SSBP2: variants seen among roughly 807,000 people sequenced by gnomAD.
SSBP2 encodes the protein single stranded DNA binding protein 2, also known as single-stranded DNA-binding protein 2.
Under a neutral mutation model 61.8 loss-of-function variants are expected in SSBP2, and 17 were observed. The ratio of observed to expected loss-of-function variants is 0.28; its 90% CI spans 0.19 to 0.41. SSBP2 has a LOEUF of 0.41. Among genes scored for constraint, SSBP2 ranks in the 10% least tolerant of loss-of-function variants. The pLI is 1.00. For missense variants in SSBP2, 310 were observed against 458.7 expected (o/e 0.68, Z 2.96); for synonymous variants, 139 against 141.3 (o/e 0.98, Z 0.12).
rs1761206799 is a variant in SSBP2 at position 81,413,422 on chromosome 5, A to G, written c.*7082T>C. 6.6e-6 allele frequency: 1 copy of G among 152,256 alleles called. No individual in the cohort carries two copies. Among genetic ancestry groups the G allele is most frequent in the Admixed American group, 6.5e-5 (1 of 15,286 alleles). The allele number at this position is 152,256 out of a possible 1,614,324, so 9.4% of individuals were successfully genotyped here. A position where few individuals can be genotyped will look rare whatever the true frequency, so the allele number is the denominator to read the frequency against. On this transcript the variant is annotated 3_prime_UTR_variant, in exon 17 of 17. Transcript: ENST00000320672. Reference sequence around the variant, plus strand: ...CATCCCAGATTCCAATTATATTTATACATAAATTGTGCATTTATAAAAACC... The same window carrying G: ...CATCCCAGATTCCAATTATATTTATGCATAAATTGTGCATTTATAAAAACC...
chr5:81,676,692 C>G (rs144630158), intron 1 of SSBP2, among the ~76,000 whole-genome samples: 1 of 152,150 alleles, frequency 6.6e-6, no homozygotes, highest in African/African-American at 2.4e-5. Context: ...TCTCTTACCC[C>G]CTCCTTCCCC....
At chr5:81,653,243 C>T (rs1015423373) in intron 1 of SSBP2, among the ~76,000 whole-genome samples, 30 of 152,218 alleles carry the variant, frequency 2.0e-4, no homozygotes, top group African/African-American at 7.2e-4. Context: ...TGATGGCTTC[C>T]AGCTTCAACC....
At position 81,418,330 on chromosome 5, in the gene SSBP2, T is replaced by C. The variant is rs1761407658; in HGVS notation, c.*2174A>G. 1 of 152,266 alleles carries C rather than the reference T, an allele frequency of 6.6e-6. No individual in the cohort carries two copies. The highest frequency in any genetic ancestry group is 6.5e-5 in the Admixed American group (1 of 15,284). The allele number at this position is 152,266 out of a possible 1,614,324, so 9.4% of individuals were successfully genotyped here. On this transcript the variant is annotated 3_prime_UTR_variant, in exon 17 of 17. Transcript: ENST00000320672. ...CGGTGTGCACTCCTAGGCACCTGAA[T>C]ACTGTGTGTGATTAACTGAGGCTCA...
chr5:81,711,635 T>C (rs1276203229), intron 1 of SSBP2, among the ~76,000 whole-genome samples: 2 of 151,264 alleles, frequency 1.3e-5, no homozygotes, highest in Non-Finnish European at 3.0e-5. Flanking sequence ...CTATTTATGA[T>C]AAATAAAGCC....
chr5:81,550,072 A>C (rs1205261154), intron 4 of SSBP2, among the ~76,000 whole-genome samples: 1 of 152,212 alleles, frequency 6.6e-6, no homozygotes, highest in South Asian at 2.1e-4. Context: ...AAGAAATAGA[A>C]GACTATATCT....
At chr5:81,713,322 CAG>C (rs1554117578) in intron 1 of SSBP2, among the ~76,000 whole-genome samples, 14 of 151,726 alleles carry the variant, frequency 9.2e-5, no homozygotes, top group Non-Finnish European at 1.9e-4. Flanking sequence ...ACACTCCAAA[CAG>C]GGGAACACCC....
intron 5 of SSBP2, among the ~76,000 whole-genome samples, chr5:81,498,539 CAT>C (rs979132928): frequency 2.6e-5 from 4 of 151,938 alleles, no homozygotes; most frequent in African/African-American, 4.8e-5. Flanking sequence ...ATTATTTATT[CAT>C]AGTTCTGCAA....
intron 5 of SSBP2, among the ~76,000 whole-genome samples, chr5:81,501,341 T>A (rs1328158412): frequency 2.1e-5 from 3 of 141,694 alleles, no homozygotes; most frequent in African/African-American, 7.7e-5. Context: ...TAAATACATA[T>A]ACACAATGGC....
At chr5:81,571,838 A>C (rs779246413) in intron 4 of SSBP2, among the ~76,000 whole-genome samples, 2 of 152,110 alleles carry the variant, frequency 1.3e-5, no homozygotes, top group Non-Finnish European at 2.9e-5. Context: ...AAGGAATTTC[A>C]ATTTCAGTGA....
At chr5:81,711,689 A>G (rs1185461230) in intron 1 of SSBP2, among the ~76,000 whole-genome samples, 3 of 123,900 alleles carry the variant, frequency 2.4e-5, no homozygotes. Context: ...ATCACTCTAC[A>G]TGATAAAAAA....
At chr5:81,737,060 T>C (rs1403062399) in intron 1 of SSBP2, among the ~76,000 whole-genome samples, 1 of 152,162 alleles carries the variant, frequency 6.6e-6, no homozygotes, top group African/African-American at 2.4e-5. Flanking sequence ...AAAATCACTT[T>C]TTAAAAATTC....
chr5:81,518,556 C>T (rs1215041682), intron 4 of SSBP2, among the ~76,000 whole-genome samples: 1 of 152,082 alleles, frequency 6.6e-6, no homozygotes, highest in Non-Finnish European at 1.5e-5. Context: ...GCCTCCAGAA[C>T]TATAATAAAT....
chr5:81,479,719 A>G lies in SSBP2; in HGVS notation c.433-5157T>C, dbSNP rs1431407756. On this transcript the variant is annotated intron_variant, in intron 6 of 16. Transcript: ENST00000320672. Reference sequence around the variant, plus strand: ...GTGAGCCAGTGCATTTGCGCCAGGAATTGTGCTAAGTCCTTAGTATTTCTT... The same window carrying G: ...GTGAGCCAGTGCATTTGCGCCAGGAGTTGTGCTAAGTCCTTAGTATTTCTT... Among the ~76,000 whole-genome samples the G allele has an allele frequency of 2.0e-5, 3 of 152,180 alleles. No homozygotes were observed. The East Asian group carries it at 5.8e-4, about 29-fold the overall frequency.
At chr5:81,478,025 A>T (rs1765708675) in intron 6 of SSBP2, among the ~76,000 whole-genome samples, 1 of 152,322 alleles carries the variant, frequency 6.6e-6, no homozygotes, top group South Asian at 2.1e-4. Context: ...ATGCCCGAGG[A>T]GAGTTTCAAG....
chr5:81,549,462 G>T (rs1412471551), intron 4 of SSBP2, among the ~76,000 whole-genome samples: 3 of 152,076 alleles, frequency 2.0e-5, no homozygotes, highest in Non-Finnish European at 2.9e-5. Flanking sequence ...AGGCCTTACT[G>T]CTACAACCTT....
chr5:81,748,221 G>A (rs1325887840), intron 1 of SSBP2, among the ~76,000 whole-genome samples: 3 of 152,122 alleles, frequency 2.0e-5, no homozygotes, highest in Non-Finnish European at 4.4e-5. Context: ...TCCTTTTGCA[G>A]AATGTTTTTG....
intron 9 of SSBP2, 44 bp from the exon 10 acceptor site, chr5:81,461,147 A>G: frequency 7.0e-7 from 1 of 1,419,710 alleles, no homozygotes; most frequent in Admixed American, 2.0e-5. Flanking sequence ...TATGCTTTGA[A>G]GGTTTCACAA....
chr5:81,562,147 C>A (rs1442136049), intron 4 of SSBP2, among the ~76,000 whole-genome samples: 1 of 152,062 alleles, frequency 6.6e-6, no homozygotes, highest in Non-Finnish European at 1.5e-5. Flanking sequence ...CTCAAGTGAT[C>A]CACTGGCTTC....
chr5:81,458,455 A>G (rs968736036), intron 10 of SSBP2, among the ~76,000 whole-genome samples: 2 of 152,248 alleles, frequency 1.3e-5, no homozygotes, highest in Non-Finnish European at 2.9e-5. Flanking sequence ...AAATGTGGTA[A>G]GACATTAACA....
Sources: allele counts gnomAD v4.1 joint callset (sites outside exome capture counted in the v4.1 genomes callset), GRCh38; gene constraint gnomAD v4.1.1; transcripts MANE v1.5; gene names NCBI Gene and HGNC (gene_info 2026-07-23, HGNC 2026-07-21).